The following DEGS2 variants were observed in gnomAD, a reference collection of about 807,000 sequenced individuals.
The protein encoded by DEGS2 is delta 4-desaturase, sphingolipid 2.
A neutral mutation model predicts 23.8 loss-of-function variants in DEGS2; 19 were observed. The ratio of observed to expected loss-of-function variants is 0.80; its 90% confidence interval spans 0.56 to 1.17. DEGS2 has a LOEUF of 1.17. Among genes scored for constraint, DEGS2 ranks in the 50% most tolerant of loss-of-function variants. The pLI, the probability that DEGS2 is intolerant of heterozygous loss-of-function variation, is 0.00. For missense variants in DEGS2, 390 were observed against 459.5 expected (o/e 0.85, Z 1.38); for synonymous variants, 218 against 213.7 (o/e 1.02, Z -0.18).
Position 100,149,449 on chromosome 14 carries a change from G to A in DEGS2, c.344C>T (p.Pro115Leu). 1 of 1,596,952 alleles carries A rather than the reference G, an allele frequency of 6.3e-7. No individual in the cohort carries two copies. The highest frequency in any genetic ancestry group is 8.5e-7 in the Non-Finnish European group (1 of 1,171,046). ...GGAGGCGGCGTAGGGCACACCCACGGGCAGGTTGGCGAACACGGCCAGCCA... is the reference window on the plus strand; with the variant it reads ...GGAGGCGGCGTAGGGCACACCCACGAGCAGGTTGGCGAACACGGCCAGCCA... The part of the protein sequence containing the change: ...NRWLAVFANL[P>L]VGVPYAASFK... The change falls in exon 2 of 3, where the codon CCC becomes CTC. Residue 115 changes from proline to leucine, a missense_variant. Coordinates refer to ENST00000305631, the MANE Select transcript of DEGS2 (RefSeq NM_206918.3).
upstream of DEGS2, among the ~76,000 whole-genome samples, chr14:100,163,091 G>A (rs1382228791): frequency 1.3e-5 from 2 of 152,232 alleles, no homozygotes; most frequent in African/African-American, 2.4e-5. Flanking sequence ...ATGGAGGAGT[G>A]AGAGCAGTGC....
At chr14:100,159,806 C>A, upstream of DEGS2, 1 of 320,670 alleles carries the variant, frequency 3.1e-6, no homozygotes, top group Non-Finnish European at 5.7e-6. Context: ...CTTTGGGAAC[C>A]TCAGTTGCCT....
At position 100,146,278 on chromosome 14, in the gene DEGS2, G is replaced by A. The variant is rs1889443437; in HGVS notation, c.*483C>T. 1 of 162,562 alleles carries A rather than the reference G, an allele frequency of 6.2e-6. No individual in the cohort carries two copies. The highest frequency in any genetic ancestry group is 6.2e-5 in the Admixed American group (1 of 16,020). The allele number at this position is 162,562 out of a possible 1,614,324, so 10.1% of individuals were successfully genotyped here. A position where few individuals can be genotyped will look rare whatever the true frequency, so the allele number is the denominator to read the frequency against. On this transcript the variant is annotated 3_prime_UTR_variant, in exon 3 of 3. Transcript: ENST00000305631. ...CAGCCACCGTCCCACAAAGAGCCAG[G>A]AGTGCATGGCAGGACCTGGGCCTGG...
At chr14:100,151,547 C>T (rs1889572110) in intron 1 of DEGS2, among the ~76,000 whole-genome samples, 2 of 152,200 alleles carry the variant, frequency 1.3e-5, no homozygotes, top group African/African-American at 2.4e-5. Flanking sequence ...CAGAGAATGG[C>T]ACTCAGGGAG....
upstream of DEGS2, among the ~76,000 whole-genome samples, chr14:100,161,782 G>A (rs945228608): frequency 1.1e-4 from 16 of 152,170 alleles, no homozygotes; most frequent in Non-Finnish European, 2.4e-4. Flanking sequence ...GAAAAATAAA[G>A]TTTATGGCCG....
upstream of DEGS2, among the ~76,000 whole-genome samples, chr14:100,163,357 G>T (rs368373287): frequency 6.6e-6 from 1 of 152,180 alleles, no homozygotes; most frequent in African/African-American, 2.4e-5. Context: ...CAGGAGAATC[G>T]CTTGAATCCA....
intron 2 of DEGS2, among the ~76,000 whole-genome samples, chr14:100,147,620 A>G (rs1399209979): frequency 6.8e-6 from 1 of 146,932 alleles, no homozygotes; most frequent in Non-Finnish European, 1.5e-5. Context: ...AACGGCATGC[A>G]GCCTTGGCCC....
At chr14:100,164,708 G>A in the DEGS2 span, among the ~76,000 whole-genome samples, 10 of 152,330 alleles carry the variant, frequency 6.6e-5, no homozygotes, top group South Asian at 2.1e-3. Flanking sequence ...GAAGGCATGA[G>A]TCTTCAGACC....
At position 100,159,503 on chromosome 14, in the gene DEGS2, C is replaced by G; in HGVS notation, c.82+3G>C. The G allele has an allele frequency of 6.7e-7, 1 of 1,491,844 alleles. No homozygotes were observed. The highest frequency in any genetic ancestry group is 1.4e-5 in the African/African-American group (1 of 68,978). The allele number at this position is 1,491,844 out of a possible 1,614,324, so 92.4% of individuals were successfully genotyped here. On this transcript the variant is annotated splice_donor_region_variant and intron_variant, in intron 1 of 2. Coordinates refer to ENST00000305631, the MANE Select transcript of DEGS2 (RefSeq NM_206918.3). ...ACCGGGGTGGGCCCCGCGCGGCGCT[C>G]ACCCAGTATCTCCTTGCGCCGCTGC...
chr14:100,165,516 GGGCGCAGCTAGCAGGGTGGAGTGA>G, the DEGS2 span, among the ~76,000 whole-genome samples: 6 of 152,238 alleles, frequency 3.9e-5, no homozygotes, highest in African/African-American at 1.2e-4. Context: ...TTCAAGCAGT[GGGCGCAGCTAGCAGGGTGGAGTGA>G]GGCGCCACTG....
At chr14:100,165,399 A>C in the DEGS2 span, among the ~76,000 whole-genome samples, 1 of 152,166 alleles carries the variant, frequency 6.6e-6, no homozygotes, top group Non-Finnish European at 1.5e-5. Flanking sequence ...TGTGTCCCCG[A>C]CCCGCGCCGT....
In DEGS2 at chr14:100,148,421, G is replaced by A. The variant is rs58322590; in HGVS notation, c.825+547C>T. On this transcript the variant is annotated intron_variant, in intron 2 of 2. Coordinates refer to ENST00000305631, the MANE Select transcript of DEGS2 (RefSeq NM_206918.3). ...CACAGGCTGGCAATGGCTGAGGGAC[G>A]GCTCCTCCTCCCCCTTCCCCTTCCT... Among the ~76,000 whole-genome samples the A allele has an allele frequency of 7.5e-3, 1,136 of 152,298 alleles. 4 individuals are homozygous for A. The highest frequency in any genetic ancestry group is 0.014 in the African/African-American group (583 of 41,574).
chr14:100,154,590 C>G (rs1315581151), intron 1 of DEGS2, among the ~76,000 whole-genome samples: 1 of 152,252 alleles, frequency 6.6e-6, no homozygotes, highest in African/African-American at 2.4e-5. Context: ...ACACTTATAC[C>G]AGTTAGCAGG....
At chr14:100,150,387 A>AACCC in intron 1 of DEGS2, among the ~76,000 whole-genome samples, 1 of 92,318 alleles carries the variant, frequency 1.1e-5, no homozygotes, top group Non-Finnish European at 2.1e-5. Flanking sequence ...CCACCCCAAC[A>AACCC]CCCCCCCCCG....
intron 1 of DEGS2, among the ~76,000 whole-genome samples, chr14:100,152,841 TA>T (rs1889595108): frequency 6.8e-6 from 1 of 148,098 alleles, no homozygotes; most frequent in South Asian, 2.1e-4. Context: ...ACAGCCTCCA[TA>T]ATCACATGAG....
intron 2 of DEGS2, among the ~76,000 whole-genome samples, 178 bp from the exon 3 acceptor site, chr14:100,147,085 C>T (rs1317703153): frequency 6.6e-6 from 1 of 152,206 alleles, no homozygotes; most frequent in African/African-American, 2.4e-5. Context: ...AACACACCGT[C>T]GCCTCTGGGG....
chr14:100,159,718 A>T, upstream of DEGS2: 6 of 128,146 alleles, frequency 4.7e-5, no homozygotes, highest in Non-Finnish European at 6.2e-5. Context: ...CAGGTGCGCC[A>T]GGCTTGGGGC....
chr14:100,149,415 C>A lies in DEGS2; in HGVS notation c.378G>T (p.Lys126Asn), dbSNP rs1292629986. ...GGTAGCGGTGGTGGTCCACGTGGTA[C>A]TTCTTGAAGGAGGCGGCGTAGGGCA... Reference protein sequence around the residue: ...VGVPYAASFKKYHVDHHRYLG... With the variant: ...VGVPYAASFKNYHVDHHRYLG... Residue 126 changes from lysine to asparagine, a missense_variant, in exon 2 of 3, where the codon AAG becomes AAT. By Grantham distance (94) the Lys-to-Asn change is moderately conservative. Coordinates refer to ENST00000305631, the MANE Select transcript of DEGS2 (RefSeq NM_206918.3). 1 of 1,602,392 alleles carries A rather than the reference C, an allele frequency of 6.2e-7. No individual in the cohort carries two copies. Among genetic ancestry groups the A allele is most frequent in the Admixed American group, 1.7e-5 (1 of 59,362 alleles).
intron 1 of DEGS2, among the ~76,000 whole-genome samples, chr14:100,159,049 G>A (rs760077391): frequency 5.3e-5 from 8 of 152,164 alleles, no homozygotes; most frequent in Non-Finnish European, 8.8e-5. Flanking sequence ...AGCCTGGGGC[G>A]CCCGTGGCCG....
Sources: allele counts gnomAD v4.1 joint callset (sites outside exome capture counted in the v4.1 genomes callset), GRCh38; gene constraint gnomAD v4.1.1; transcripts MANE v1.5; gene names NCBI Gene and HGNC (gene_info 2026-07-23, HGNC 2026-07-21).